EDIL3: variants seen among roughly 807,000 people sequenced by gnomAD.
EDIL3 encodes EGF-like repeat and discoidin I-like domain-containing protein 3.
In EDIL3, 37 loss-of-function variants were observed where a neutral mutation model predicts 67.4. The observed-to-expected ratio is 0.55, with a 90% CI of 0.42 to 0.72. The LOEUF (loss-of-function observed/expected upper bound fraction) is 0.72. EDIL3 is among the 30% of genes least tolerant of loss of function. The pLI is 0.00. For synonymous variants in EDIL3, 195 were observed against 196.3 expected, an observed-to-expected ratio of 0.99 and a Z score of 0.05; for missense variants, 527 against 586.3, an observed-to-expected ratio of 0.90 and a Z score of 1.04.
intron 1 of EDIL3, among the ~76,000 whole-genome samples, chr5:84,302,298 GTTA>G (rs1209094396): frequency 2.0e-5 from 3 of 151,360 alleles, no homozygotes; most frequent in Non-Finnish European, 4.4e-5. Context: ...TTATTTTATT[GTTA>G]TTATTATTAT....
chr5:84,126,932 A>T (rs1747879168), intron 5 of EDIL3, among the ~76,000 whole-genome samples: 1 of 152,126 alleles, frequency 6.6e-6, no homozygotes, highest in Non-Finnish European at 1.5e-5. Flanking sequence ...AAATAGCATT[A>T]TTAAGTTACT....
chr5:84,019,391 T>C (rs1435517904), intron 9 of EDIL3, among the ~76,000 whole-genome samples: 4 of 145,128 alleles, frequency 2.8e-5, no homozygotes, highest in Admixed American at 2.1e-4. Flanking sequence ...TCAGGACTGT[T>C]GTGGGGTGGG....
intron 6 of EDIL3, among the ~76,000 whole-genome samples, chr5:84,077,250 T>C (rs750733965): frequency 6.6e-6 from 1 of 152,220 alleles, no homozygotes; most frequent in Non-Finnish European, 1.5e-5. Context: ...AAATATCGTC[T>C]TAGAAATATT....
chr5:84,361,270 AACACACACACACACAC>A, intron 1 of EDIL3, among the ~76,000 whole-genome samples: 1 of 147,502 alleles, frequency 6.8e-6, no homozygotes, highest in South Asian at 2.2e-4. Context: ...AGGTCATTAC[AACACACACACACACAC>A]ACACACACAC....
intron 2 of EDIL3, among the ~76,000 whole-genome samples, chr5:84,239,934 A>C (rs892921570): frequency 2.0e-5 from 3 of 152,194 alleles, no homozygotes; most frequent in Non-Finnish European, 4.4e-5. Context: ...CAGAATATAA[A>C]TATTTTGTAG....
chr5:84,004,523 T>C (rs1006906496), intron 9 of EDIL3, among the ~76,000 whole-genome samples: 1 of 151,960 alleles, frequency 6.6e-6, no homozygotes, highest in Non-Finnish European at 1.5e-5. Flanking sequence ...AATAAATCAA[T>C]ATGAAGAATA....
intron 1 of EDIL3, among the ~76,000 whole-genome samples, chr5:84,335,915 T>C (rs1024624815): frequency 1.3e-5 from 2 of 152,204 alleles, no homozygotes; most frequent in Non-Finnish European, 2.9e-5. Context: ...TCTGCAAAGA[T>C]AGCACTACTT....
intron 10 of EDIL3, among the ~76,000 whole-genome samples, chr5:83,946,635 T>C (rs755804573): frequency 1.3e-5 from 2 of 151,884 alleles, no homozygotes; most frequent in Non-Finnish European, 1.5e-5. Context: ...ACATTTTTTA[T>C]AAGACGAGCT....
chr5:84,149,739 A>G (rs1748353531), intron 4 of EDIL3, among the ~76,000 whole-genome samples: 1 of 152,158 alleles, frequency 6.6e-6, no homozygotes, highest in South Asian at 2.1e-4. Context: ...TATTCCATAT[A>G]TTGAAAATAT....
At chr5:84,094,514 GA>G (rs150974770) in intron 6 of EDIL3, among the ~76,000 whole-genome samples, 34 of 148,984 alleles carry the variant, frequency 2.3e-4, no homozygotes, top group South Asian at 6.4e-4. Context: ...GGCTGAAAAT[GA>G]AAAAAAAAAT....
intron 6 of EDIL3, among the ~76,000 whole-genome samples, chr5:84,095,184 G>C (rs1215483514): frequency 1.3e-5 from 2 of 152,130 alleles, no homozygotes; most frequent in African/African-American, 2.4e-5. Context: ...TGTGAAGTCT[G>C]AGCATGACCT....
Position 84,364,394 on chromosome 5 carries a change from T to C in EDIL3, c.67+19914A>G, listed in dbSNP as rs373970100. Reference sequence around the variant, plus strand: ...AACGAATTCATATTGCTTTGGAAATTGTTACACAGATACATGCTACAGATG... The same window carrying C: ...AACGAATTCATATTGCTTTGGAAATCGTTACACAGATACATGCTACAGATG... On this transcript the variant is annotated intron_variant, in intron 1 of 10. Transcript: ENST00000296591. Among the ~76,000 whole-genome samples the C allele has an allele frequency of 3.1e-4, 47 of 152,320 alleles. No individual in the cohort carries two copies. In the East Asian group the frequency reaches 5.8e-3, roughly 19 times the overall value.
intron 1 of EDIL3, among the ~76,000 whole-genome samples, chr5:84,307,955 T>C (rs796691071): frequency 2.6e-5 from 4 of 152,214 alleles, no homozygotes; most frequent in African/African-American, 9.6e-5. Flanking sequence ...TAGATCAATG[T>C]AGGATTCCTG....
intron 4 of EDIL3, among the ~76,000 whole-genome samples, chr5:84,170,324 CAT>C (rs1203271691): frequency 1.2e-4 from 18 of 152,176 alleles, no homozygotes; most frequent in Non-Finnish European, 2.2e-4. Flanking sequence ...GGAAAAGACA[CAT>C]GTCTTTCCAA....
At chr5:84,202,103 T>C (rs1303967532) in intron 3 of EDIL3, among the ~76,000 whole-genome samples, 2 of 152,164 alleles carry the variant, frequency 1.3e-5, no homozygotes, top group Non-Finnish European at 2.9e-5. Context: ...CCTTTTCAAG[T>C]TATAAGTGTC....
At chr5:84,095,879 G>A (rs1403836408) in intron 6 of EDIL3, among the ~76,000 whole-genome samples, 2 of 152,238 alleles carry the variant, frequency 1.3e-5, no homozygotes, top group East Asian at 1.9e-4. Flanking sequence ...TCATAGGCCT[G>A]AAGGCCTAGG....
intron 1 of EDIL3, among the ~76,000 whole-genome samples, chr5:84,344,335 A>G (rs1243733422): frequency 6.6e-6 from 1 of 152,180 alleles, no homozygotes; most frequent in African/African-American, 2.4e-5. Flanking sequence ...AATGTCCTCC[A>G]TCTGCATAGT....
intron 6 of EDIL3, among the ~76,000 whole-genome samples, chr5:84,091,477 C>T (rs1235869969): frequency 2.0e-5 from 3 of 152,202 alleles, no homozygotes; most frequent in Admixed American, 6.5e-5. Flanking sequence ...AACAAACTCC[C>T]TTAAATAGAA....
chr5:84,264,065 G>C (rs1745293994), intron 1 of EDIL3, among the ~76,000 whole-genome samples: 1 of 152,094 alleles, frequency 6.6e-6, no homozygotes, highest in Non-Finnish European at 1.5e-5. Context: ...GTGAAACCCT[G>C]TTGAGTTAGA....
Sources: allele counts gnomAD v4.1 joint callset (sites outside exome capture counted in the v4.1 genomes callset), GRCh38; gene constraint gnomAD v4.1.1; transcripts MANE v1.5; gene names NCBI Gene and HGNC (gene_info 2026-07-23, HGNC 2026-07-21).